Variants in MRPS9 observed in about 807,000 individuals in gnomAD.
MRPS9 encodes small ribosomal subunit protein uS9m.
Under a neutral mutation model 59.9 loss-of-function variants are expected in MRPS9, and 45 were observed. The observed-to-expected ratio is 0.75, with a 90% CI of 0.59 to 0.96. The LOEUF (loss-of-function observed/expected upper bound fraction) is 0.96, where lower values mean the gene tolerates loss of function less well. MRPS9 is among the 40% of genes least tolerant of loss of function. The pLI is 0.00. For synonymous variants in MRPS9, 171 were observed against 166.8 expected, an observed-to-expected ratio of 1.03 and a Z score of -0.19; for missense variants, 473 against 481.1, an observed-to-expected ratio of 0.98 and a Z score of 0.16.
intron 2 of MRPS9, among the ~76,000 whole-genome samples, chr2:105,057,384 A>C (rs922425542): frequency 6.6e-5 from 10 of 152,190 alleles, no homozygotes; most frequent in Non-Finnish European, 1.5e-4. Flanking sequence ...TCAGTGTGTA[A>C]AAATTTTTTT....
intron 2 of MRPS9, among the ~76,000 whole-genome samples, chr2:105,061,179 C>T (rs1364215497): frequency 6.8e-6 from 1 of 146,072 alleles, no homozygotes; most frequent in Admixed American, 6.8e-5. Context: ...TGCCTTTCTA[C>T]TGAAATAAAC....
intron 5 of MRPS9, among the ~76,000 whole-genome samples, chr2:105,084,458 C>A (rs554323896): frequency 6.6e-6 from 1 of 152,150 alleles, no homozygotes; most frequent in East Asian, 1.9e-4. Context: ...GGAACAGCAG[C>A]CCCAGAAGTG....
At chr2:105,087,799 T>C (rs141625434) in intron 5 of MRPS9, among the ~76,000 whole-genome samples, 4 of 63,068 alleles carry the variant, frequency 6.3e-5, no homozygotes, top group African/African-American at 2.2e-4. Flanking sequence ...CTCCTGCCTT[T>C]TTTCCTTCCT....
chr2:105,095,517 G>A (rs981898772), intron 9 of MRPS9, among the ~76,000 whole-genome samples: 3 of 132,164 alleles, frequency 2.3e-5, no homozygotes, highest in African/African-American at 5.7e-5. Context: ...TTTTTTTTGA[G>A]ATGGAGTTTC....
chr2:105,045,504 T>TA (rs199842351), intron 1 of MRPS9, among the ~76,000 whole-genome samples: 1,879 of 150,998 alleles, frequency 0.012, 59 homozygotes, highest in Admixed American at 0.062. Context: ...AAACAAAACC[T>TA]AAAAAAAATA....
chr2:105,089,131 G>A (rs1003661633), intron 6 of MRPS9, 62 bp downstream of exon 6: 11 of 1,322,744 alleles, frequency 8.3e-6, no homozygotes, highest in African/African-American at 7.3e-5. Flanking sequence ...GCCACTCATT[G>A]GTATTTTTTT....
chr2:105,096,037 A>G (rs1328820906), intron 9 of MRPS9, among the ~76,000 whole-genome samples: 1 of 151,954 alleles, frequency 6.6e-6, no homozygotes, highest in Admixed American at 6.6e-5. Flanking sequence ...GCTACTTTTC[A>G]TTTGGTTTCT....
intron 2 of MRPS9, among the ~76,000 whole-genome samples, chr2:105,066,350 A>G (rs1680000523): frequency 6.6e-6 from 1 of 152,196 alleles, no homozygotes; most frequent in Non-Finnish European, 1.5e-5. Context: ...AGGCAAAGAC[A>G]CATTTTCTGA....
chr2:105,096,937 A>C, intron 9 of MRPS9: 3 of 388,490 alleles, frequency 7.7e-6, no homozygotes, highest in Non-Finnish European at 1.3e-5. Flanking sequence ...TGCTATACCC[A>C]AGCAAAAGAA....
chr2:105,081,671 AT>A (rs1291426969), intron 5 of MRPS9, among the ~76,000 whole-genome samples: 20 of 152,344 alleles, frequency 1.3e-4, no homozygotes, highest in Admixed American at 1.0e-3. Flanking sequence ...CAAGAAACTG[AT>A]CAGTTTCTAA....
chr2:105,081,333 G>A (rs1345812896), intron 5 of MRPS9, among the ~76,000 whole-genome samples: 1 of 152,246 alleles, frequency 6.6e-6, no homozygotes. Flanking sequence ...TGGGTTGCAC[G>A]CAGCGAAGCT....
intron 7 of MRPS9, chr2:105,092,186 T>G: frequency 2.3e-6 from 1 of 439,126 alleles, no homozygotes; most frequent in Non-Finnish European, 4.0e-6. Context: ...ATAAATCTCT[T>G]TGTTTCTTGA....
At chr2:105,081,212 G>C (rs1476589788) in intron 5 of MRPS9, among the ~76,000 whole-genome samples, 2 of 152,188 alleles carry the variant, frequency 1.3e-5, no homozygotes. Flanking sequence ...AATGTACAAC[G>C]CTTCATGGTG....
chr2:105,071,882 T>C (rs1046392893), intron 4 of MRPS9, among the ~76,000 whole-genome samples: 1 of 152,184 alleles, frequency 6.6e-6, no homozygotes, highest in Non-Finnish European at 1.5e-5. Flanking sequence ...TTCAATACTT[T>C]AATGATGTAA....
intron 2 of MRPS9, among the ~76,000 whole-genome samples, chr2:105,060,017 T>TAAAAAAAAAAAAAAAAAAAAAAAAA (rs10547330): frequency 2.0e-5 from 2 of 100,604 alleles, no homozygotes; most frequent in Non-Finnish European, 1.9e-5. Context: ...GGAAAACTGC[T>TAAAAAAAAAAAAAAAAAAAAAAAAA]AAAAAAAAAA....
Position 105,079,977 on chromosome 2 carries a change from A to T in MRPS9, c.410-6A>T. 1 of 1,608,296 alleles carries T rather than the reference A, an allele frequency of 6.2e-7. No individual in the cohort carries two copies. Among genetic ancestry groups the T allele is most frequent in the South Asian group, 1.1e-5 (1 of 90,182 alleles). On this transcript the variant is annotated splice_region_variant and splice_polypyrimidine_tract_variant and intron_variant, in intron 4 of 10. Transcript: ENST00000258455. ...TATTTGCTTTCATCTGGCTTTTTTA[A>T]ATCAGCAATCCAGTGGGGAGAAGAT...
In MRPS9 at chr2:105,069,245, C is replaced by T. The variant is rs187421055; in HGVS notation, c.316-2068C>T. 8.5e-3 allele frequency among the ~76,000 whole-genome samples: 1,226 copies of T among 143,686 alleles called. 15 individuals are homozygous for T. The highest frequency in any genetic ancestry group is 0.03 in the African/African-American group (1,176 of 38,862). 94.3% of individuals were successfully genotyped at this position (143,686 alleles called of 152,430 possible). A position where few individuals can be genotyped will look rare whatever the true frequency, so the allele number is the denominator to read the frequency against. ...TTTTTTTTTTTTTGAGACAGAGTCT[C>T]GCCCTGTCACCCAGGCTGGCGTGCA... On this transcript the variant is annotated intron_variant, in intron 2 of 10. Coordinates refer to ENST00000258455, the MANE Select transcript of MRPS9 (RefSeq NM_182640.3).
At chr2:105,086,133 A>G (rs1277094231) in intron 5 of MRPS9, among the ~76,000 whole-genome samples, 2 of 152,194 alleles carry the variant, frequency 1.3e-5, no homozygotes, top group African/African-American at 4.8e-5. Context: ...CACCCCCGCT[A>G]TCATTCTTGA....
rs1201829760 is a variant in MRPS9 at position 105,081,140 on chromosome 2, G to C, written c.489+1078G>C. Among the ~76,000 whole-genome samples the C allele has an allele frequency of 2.0e-5, 3 of 152,204 alleles. No homozygotes were observed. In the East Asian group the frequency reaches 5.8e-4, roughly 29 times the overall value. ...ATCTGCCTCCAAACGCCGCCGGTTT[G>C]ATCTGTGGTAATATTTGTGAAGGTT... On this transcript the variant is annotated intron_variant, in intron 5 of 10. Coordinates refer to ENST00000258455, the MANE Select transcript of MRPS9 (RefSeq NM_182640.3).
Sources: allele counts gnomAD v4.1 joint callset (sites outside exome capture counted in the v4.1 genomes callset), GRCh38; gene constraint gnomAD v4.1.1; transcripts MANE v1.5; gene names NCBI Gene and HGNC (gene_info 2026-07-23, HGNC 2026-07-21).